Variants in COL17A1 observed in about 807,000 individuals in gnomAD.
COL17A1 encodes collagen type XVII alpha 1 chain.
In COL17A1, 181 loss-of-function variants were observed where a neutral mutation model predicts 218.4. The observed-to-expected ratio is 0.83, with a 90% CI of 0.73 to 0.94. The LOEUF (loss-of-function observed/expected upper bound fraction) is 0.94. Among genes scored for constraint, COL17A1 ranks in the 40% least tolerant of loss-of-function variants. The pLI, the probability that COL17A1 is intolerant of heterozygous loss-of-function variation, is 0.00. For missense variants in COL17A1, 1,924 were observed against 1,945.9 expected (o/e 0.99, Z 0.21); for synonymous variants, 721 against 731.0 (o/e 0.99, Z 0.22).
intron 48 of COL17A1, among the ~76,000 whole-genome samples, chr10:104,035,943 T>C (rs2086282245): frequency 6.7e-6 from 1 of 148,738 alleles, no homozygotes; most frequent in African/African-American, 2.5e-5. Context: ...TGGGAGTGTA[T>C]GGGAGTGTGA....
At chr10:104,041,405 G>A (rs2086358276) in intron 37 of COL17A1, 61 bp from the exon 38 acceptor site, 4 of 1,601,298 alleles carry the variant, frequency 2.5e-6, no homozygotes, top group African/African-American at 2.7e-5. Context: ...CACCCCTGAG[G>A]ATCTTGGCTT....
intron 47 of COL17A1, 137 bp downstream of exon 47, chr10:104,036,908 G>T: frequency 1.1e-6 from 1 of 885,070 alleles, no homozygotes; most frequent in Non-Finnish European, 1.8e-6. Flanking sequence ...AGAGCAGTAA[G>T]TGGCTCTTTG....
chr10:104,059,725 A>G lies in COL17A1; in HGVS notation c.1142-7T>C. 1.2e-6 allele frequency: 2 copies of G among 1,613,872 alleles called. No homozygotes were observed. The highest frequency in any genetic ancestry group is 1.7e-6 in the Non-Finnish European group (2 of 1,179,776). On this transcript the variant is annotated splice_region_variant and splice_polypyrimidine_tract_variant and intron_variant, in intron 14 of 55. Transcript: ENST00000648076. The stretch of plus-strand genomic sequence containing the variant: ...GTGTCTTCTGAAAAAGAAGCTATGT[A>G]CAGAACCCATTATAACCTGGCATAT...
chr10:104,052,885 C>G, intron 23 of COL17A1, 146 bp downstream of exon 23: 1 of 1,020,578 alleles, frequency 9.8e-7, no homozygotes, highest in Middle Eastern at 2.1e-4. Context: ...TCTGCAGGGC[C>G]TAGCACAGAC....
At chr10:104,046,697 A>AC in intron 32 of COL17A1, 50 bp downstream of exon 32, 1 of 1,597,674 alleles carries the variant, frequency 6.3e-7, no homozygotes, top group Non-Finnish European at 8.6e-7. Context: ...CCAAGCAGTT[A>AC]CCCCAGGAGA....
In COL17A1 at chr10:104,070,413, CTGTCAGACT is replaced by C; in HGVS notation, c.607+4_607+12del. On this transcript the variant is annotated splice_donor_5th_base_variant and intron_variant, in intron 9 of 55. Transcript: ENST00000648076. ...TTCTCACACTCCTCGGCAGCCTGGG[CTGTCAGACT>C]TACCCGACTGGGAGCTCGCTGTCAC... 1 of 1,613,076 alleles carries C rather than the reference CTGTCAGACT, an allele frequency of 6.2e-7. No homozygotes were observed. The highest frequency in any genetic ancestry group is 8.5e-7 in the Non-Finnish European group (1 of 1,180,012).
At chr10:104,069,999 A>G (rs1484017648) in intron 9 of COL17A1, among the ~76,000 whole-genome samples, 1 of 152,220 alleles carries the variant, frequency 6.6e-6, no homozygotes, top group Non-Finnish European at 1.5e-5. Context: ...AGGAAAACCT[A>G]GAAGAGAGCT....
intron 33 of COL17A1, among the ~76,000 whole-genome samples, chr10:104,045,452 C>T (rs1589562098): frequency 1.3e-5 from 2 of 152,134 alleles, no homozygotes; most frequent in African/African-American, 4.8e-5. Context: ...CAAAACAGGG[C>T]ACAGAAAGGC....
At chr10:104,056,055 C>G (rs755619358) in intron 17 of COL17A1, 52 bp from the exon 18 acceptor site, 1 of 1,602,120 alleles carries the variant, frequency 6.2e-7, no homozygotes, top group Admixed American at 1.7e-5. Flanking sequence ...CCTTCGCCTT[C>G]CATACACTCG....
At position 104,032,251 on chromosome 10, in the gene COL17A1, A is replaced by ATACTTC; in HGVS notation, c.4472_4477dup (p.Arg1491_Ser1492dup). On this transcript the variant is annotated inframe_insertion, in exon 56 of 56. Transcript: ENST00000648076. ...ATGGCTAGCTCACGGCTTGACAGCAATACTTCTTCTCCTTCTCCGCCCAGC... is the reference window on the plus strand; with the variant it reads ...ATGGCTAGCTCACGGCTTGACAGCAATACTTCTACTTCTTCTCCTTCTCCGCCCAGC... The ATACTTC allele has an allele frequency of 5.6e-6, 9 of 1,614,128 alleles. No individual in the cohort carries two copies. The highest frequency in any genetic ancestry group is 6.8e-6 in the Non-Finnish European group (8 of 1,179,974).
At chr10:104,054,029 C>G in intron 21 of COL17A1, 47 bp from the exon 22 acceptor site, 1 of 1,612,854 alleles carries the variant, frequency 6.2e-7, no homozygotes, top group Non-Finnish European at 8.5e-7. Context: ...CTCCCAGAAG[C>G]CATCAGCTAG....
chr10:104,040,255 C>T, intron 40 of COL17A1, 96 bp downstream of exon 40: 1 of 1,017,596 alleles, frequency 9.8e-7, no homozygotes, highest in Non-Finnish European at 1.6e-6. Flanking sequence ...GCAAAAATGC[C>T]CCAGCTCATT....
intron 1 of COL17A1, among the ~76,000 whole-genome samples, chr10:104,081,521 G>A (rs1297688228): frequency 4.6e-5 from 7 of 152,198 alleles, no homozygotes; most frequent in African/African-American, 1.4e-4. Context: ...GGAATGCACA[G>A]CAAGGGTCCC....
At chr10:104,032,409 T>C in intron 55 of COL17A1, 119 bp from the exon 56 acceptor site, 1 of 909,728 alleles carries the variant, frequency 1.1e-6, no homozygotes, top group Admixed American at 1.9e-5. Flanking sequence ...TGAAATCTTT[T>C]GTAAGACTAC....
Position 104,035,454 on chromosome 10 carries a change from T to C in COL17A1, c.3508+20A>G, listed in dbSNP as rs200677320. On this transcript the variant is annotated intron_variant, in intron 49 of 55. Transcript: ENST00000648076. The stretch of plus-strand genomic sequence containing the variant: ...CTTCCTCCCCAACCAGTTGGACAGA[T>C]GTCCCCTGCTGGGCCTTACCTCGCA... 2.2e-5 allele frequency: 35 copies of C among 1,613,880 alleles called. No homozygotes were observed. Among genetic ancestry groups the C allele is most frequent in the Middle Eastern group, 1.6e-4 (1 of 6,062 alleles).
Position 104,064,538 on chromosome 10 carries a change from G to A in COL17A1, c.666C>T (p.Ser222=), listed in dbSNP as rs1313807205. ...LDANLPSHVW[S]STLPAGSSMG... is the part of the protein sequence containing the mutation. ...TGGAGGACCCCGCGGGCAGGGTGGA[G>A]GACCACACATGGGAGGGAAGGTTGG... The change falls in exon 10 of 56, where the codon TCC becomes TCT. Residue 222 remains serine (S), a synonymous_variant. Coordinates refer to ENST00000648076, the MANE Select transcript of COL17A1 (RefSeq NM_000494.4). 1 of 1,614,074 alleles carries A rather than the reference G, an allele frequency of 6.2e-7. No individual in the cohort carries two copies. The highest frequency in any genetic ancestry group is 8.5e-7 in the Non-Finnish European group (1 of 1,179,988).
rs771191466 is a variant in COL17A1 at position 104,038,483 on chromosome 10, G to C, written c.2993C>G (p.Pro998Arg). The C allele has an allele frequency of 6.2e-7, 1 of 1,613,612 alleles. No homozygotes were observed. The highest frequency in any genetic ancestry group is 8.5e-7 in the Non-Finnish European group (1 of 1,179,816). The change falls in exon 45 of 56, where the codon CCT becomes CGT. Residue 998 changes from proline to arginine, a missense_variant. Coordinates refer to ENST00000648076, the MANE Select transcript of COL17A1 (RefSeq NM_000494.4). ...AGAGCCCGGAGGCCCAGGGGGCCCA[G>C]GGGGCCCTGGCGGGCCTGACACGTA... ...TMYVSGPPGP[P>R]GPPGPPGSIS...
chr10:104,073,117 T>C (rs2086681856), intron 7 of COL17A1, 93 bp downstream of exon 7: 1 of 1,146,066 alleles, frequency 8.7e-7, no homozygotes, highest in East Asian at 2.3e-5. Flanking sequence ...TCTTCTGTAC[T>C]CCTTACACTC....
intron 1 of COL17A1, among the ~76,000 whole-genome samples, chr10:104,084,525 G>C (rs1431039048): frequency 6.6e-6 from 1 of 152,036 alleles, no homozygotes; most frequent in Non-Finnish European, 1.5e-5. Flanking sequence ...TATAATATGA[G>C]TGTGCACCAC....
Sources: allele counts gnomAD v4.1 joint callset (sites outside exome capture counted in the v4.1 genomes callset), GRCh38; gene constraint gnomAD v4.1.1; transcripts MANE v1.5; gene names NCBI Gene and HGNC (gene_info 2026-07-23, HGNC 2026-07-21).